PDZRN3: variants seen among roughly 807,000 people sequenced by gnomAD.
PDZRN3 encodes E3 ubiquitin-protein ligase PDZRN3.
Under a neutral mutation model 85.7 loss-of-function variants are expected in PDZRN3, and 38 were observed. The observed-to-expected ratio is 0.44, with a 90% CI of 0.34 to 0.58. PDZRN3 has a LOEUF of 0.58. Ranked by LOEUF, PDZRN3 falls within the 20% of genes least tolerant of loss-of-function variation. PDZRN3 has a pLI of 0.01. For synonymous variants in PDZRN3, 759 were observed against 638.0 expected (o/e 1.19, Z -2.86); for missense variants, 1,629 against 1,506.4 (o/e 1.08, Z -1.35).
At chr3:73,465,722 T>TC (rs891659084) in intron 3 of PDZRN3, among the ~76,000 whole-genome samples, 6 of 152,040 alleles carry the variant, frequency 3.9e-5, no homozygotes, top group African/African-American at 1.4e-4. Context: ...AGATCCAAAT[T>TC]CCCCCCAAAG....
intron 3 of PDZRN3, among the ~76,000 whole-genome samples, chr3:73,489,575 C>CTTTTTTTTTTTCTT: frequency 1.2e-5 from 1 of 80,096 alleles, no homozygotes; most frequent in Non-Finnish European, 2.3e-5. Flanking sequence ...AGTTTCTTTT[C>CTTTTTTTTTTTCTT]TTTTTTTTTT....
At chr3:73,426,184 T>C (rs2106788521) in intron 3 of PDZRN3, among the ~76,000 whole-genome samples, 1 of 152,258 alleles carries the variant, frequency 6.6e-6, no homozygotes, top group East Asian at 1.9e-4. Context: ...CATGCATATG[T>C]ATACATTATG....
At position 73,573,799 on chromosome 3, in the gene PDZRN3, ATACACATACACC is replaced by A. The variant is rs201448393; in HGVS notation, c.918+28543_918+28554del. ...CATATACATATACATATACATATAC[ATACACATACACC>A]TATACATATACATATACATATACAT... is the stretch of plus-strand genomic sequence containing the variant. On this transcript the variant is annotated intron_variant, in intron 3 of 9. Coordinates refer to ENST00000263666, the MANE Select transcript of PDZRN3 (RefSeq NM_015009.3). Among the ~76,000 whole-genome samples, 178 of 98,508 alleles carry A rather than the reference ATACACATACACC, an allele frequency of 1.8e-3. 1 individual carries two copies. Among genetic ancestry groups the A allele is most frequent in the Non-Finnish European group, 2.2e-3 (95 of 43,358 alleles). 64.6% of individuals were successfully genotyped at this position (98,508 alleles called of 152,430 possible).
At chr3:73,439,385 G>C (rs1166265414) in intron 3 of PDZRN3, among the ~76,000 whole-genome samples, 1 of 152,128 alleles carries the variant, frequency 6.6e-6, no homozygotes, top group Non-Finnish European at 1.5e-5. Context: ...TTGTGCCTTT[G>C]GTAGGACAGT....
chr3:73,597,696 G>A (rs927586649), intron 3 of PDZRN3, among the ~76,000 whole-genome samples: 22 of 150,954 alleles, frequency 1.5e-4, no homozygotes, highest in African/African-American at 3.9e-4. Flanking sequence ...AAGAATTTCA[G>A]TGGAGTTGCA....
At chr3:73,486,573 G>GTAA (rs1703666050) in intron 3 of PDZRN3, among the ~76,000 whole-genome samples, 1 of 152,192 alleles carries the variant, frequency 6.6e-6, no homozygotes, top group Admixed American at 6.5e-5. Context: ...CAACGTGAAT[G>GTAA]TAATGTATGC....
In PDZRN3 at chr3:73,384,385, G is replaced by T; in HGVS notation, c.2181C>A (p.Arg727=). The change falls in exon 10 of 10, where the codon CGC becomes CGA. Residue 727 remains arginine, a synonymous_variant. Coordinates refer to ENST00000263666, the MANE Select transcript of PDZRN3 (RefSeq NM_015009.3). ...GCACGTCGATGCTGGTGTTGTAGTT[G>T]CGGAAGCCGCTGTTGTGCAGCATCC... ...ESWMLHNSGF[R]NYNTSIDVRR... The T allele has an allele frequency of 1.1e-5, 17 of 1,609,266 alleles. No individual in the cohort carries two copies. Among genetic ancestry groups the T allele is most frequent in the Non-Finnish European group, 1.4e-5 (17 of 1,179,932 alleles).
At chr3:73,388,554 A>T (rs1391131129) in intron 7 of PDZRN3, among the ~76,000 whole-genome samples, 1 of 152,154 alleles carries the variant, frequency 6.6e-6, no homozygotes, top group Admixed American at 6.5e-5. Flanking sequence ...GCGGAGGGTC[A>T]AGTGGGCGTG....
intron 3 of PDZRN3, among the ~76,000 whole-genome samples, chr3:73,510,270 T>C (rs1307848859): frequency 4.6e-5 from 7 of 152,230 alleles, no homozygotes; most frequent in Non-Finnish European, 1.0e-4. Context: ...ATATAGTTCA[T>C]GGGTATGTAA....
chr3:73,415,188 C>T (rs1702051131), intron 3 of PDZRN3, among the ~76,000 whole-genome samples: 1 of 152,106 alleles, frequency 6.6e-6, no homozygotes, highest in Non-Finnish European at 1.5e-5. Context: ...GGAAAGAAAA[C>T]CTGGCAGGGA....
chr3:73,504,440 A>C (rs1704035759), intron 3 of PDZRN3, among the ~76,000 whole-genome samples: 1 of 152,222 alleles, frequency 6.6e-6, no homozygotes. Flanking sequence ...TTATGGGACC[A>C]GGAAGATTTT....
At chr3:73,576,734 A>G (rs190771705) in intron 3 of PDZRN3, among the ~76,000 whole-genome samples, 3 of 152,350 alleles carry the variant, frequency 2.0e-5, no homozygotes, top group East Asian at 3.9e-4. Flanking sequence ...ATAGACATGA[A>G]TATCTACCCT....
intron 3 of PDZRN3, 115 bp downstream of exon 3, chr3:73,602,239 C>T (rs1702525705): frequency 7.6e-6 from 5 of 655,978 alleles, no homozygotes; most frequent in South Asian, 3.8e-5. Flanking sequence ...GTGAGACTCC[C>T]GCTCAACCAT....
chr3:73,510,568 T>C (rs994414307), intron 3 of PDZRN3, among the ~76,000 whole-genome samples: 1 of 152,070 alleles, frequency 6.6e-6, no homozygotes, highest in Non-Finnish European at 1.5e-5. Flanking sequence ...AAAGAAAACA[T>C]AACATTCATA....
intron 3 of PDZRN3, among the ~76,000 whole-genome samples, chr3:73,558,397 TTTATCA>T (rs914973697): frequency 6.6e-6 from 1 of 152,204 alleles, no homozygotes; most frequent in Non-Finnish European, 1.5e-5. Context: ...CTAAATTTTC[TTTATCA>T]TTAACAACTC....
chr3:73,518,364 ATTATCGT>A (rs1704291125), intron 3 of PDZRN3, among the ~76,000 whole-genome samples: 3 of 152,138 alleles, frequency 2.0e-5, no homozygotes, highest in African/African-American at 7.2e-5. Context: ...AAAATAGGTA[ATTATCGT>A]TTAACAGATA....
At chr3:73,532,477 G>A (rs1230179693) in intron 3 of PDZRN3, among the ~76,000 whole-genome samples, 2 of 152,174 alleles carry the variant, frequency 1.3e-5, no homozygotes, top group Non-Finnish European at 2.9e-5. Context: ...CCTATCGTGC[G>A]CCAGGCATTG....
chr3:73,438,514 C>T (rs779293754), intron 3 of PDZRN3, among the ~76,000 whole-genome samples: 2 of 152,166 alleles, frequency 1.3e-5, no homozygotes, highest in Non-Finnish European at 2.9e-5. Flanking sequence ...AGAGTCATGT[C>T]AAAAAGAAGT....
At chr3:73,456,552 C>A (rs1182957541) in intron 3 of PDZRN3, among the ~76,000 whole-genome samples, 2 of 152,292 alleles carry the variant, frequency 1.3e-5, no homozygotes, top group African/African-American at 4.8e-5. Flanking sequence ...TAAATAGTCA[C>A]CATTTCCAAA....
Sources: allele counts gnomAD v4.1 joint callset (sites outside exome capture counted in the v4.1 genomes callset), GRCh38; gene constraint gnomAD v4.1.1; transcripts MANE v1.5; gene names NCBI Gene and HGNC (gene_info 2026-07-23, HGNC 2026-07-21).